The following ZFHX3 variants were observed in gnomAD, a reference collection of about 807,000 sequenced individuals.
The protein encoded by ZFHX3 is zinc finger homeobox protein 3.
Under a neutral mutation model 279.1 loss-of-function variants are expected in ZFHX3, and 42 were observed. The ratio of observed to expected loss-of-function variants is 0.15; its 90% CI spans 0.12 to 0.19. The LOEUF is 0.19. Among genes scored for constraint, ZFHX3 ranks in the 10% least tolerant of loss-of-function variants. The pLI is 1.00. For missense variants in ZFHX3, 4,981 were observed against 4,754.0 expected (o/e 1.05, Z -1.40); for synonymous variants, 2,293 against 1,957.8 (o/e 1.17, Z -4.52).
chr16:73,831,025 T>C (rs575408731), intron 1 of ZFHX3, among the ~76,000 whole-genome samples: 27 of 152,316 alleles, frequency 1.8e-4, no homozygotes, highest in African/African-American at 6.0e-4. Flanking sequence ...AGAATGCAGA[T>C]GTTACATATT....
In ZFHX3 at chr16:72,918,351, A is replaced by C. The variant is rs1408699240; in HGVS notation, c.3217-28389T>G. On this transcript the variant is annotated intron_variant, in intron 3 of 9. Transcript: ENST00000268489. Reference sequence around the variant, plus strand: ...ACAAGAGACAAGAAAAGGAGGGACAATTAGCTAAACTGCTTATGGCATCTT... The same window carrying C: ...ACAAGAGACAAGAAAAGGAGGGACACTTAGCTAAACTGCTTATGGCATCTT... Among the ~76,000 whole-genome samples, 3 of 152,368 alleles carry C rather than the reference A, an allele frequency of 2.0e-5. No homozygotes were observed. The East Asian group carries it at 5.8e-4, about 29-fold the overall frequency.
intron 2 of ZFHX3, among the ~76,000 whole-genome samples, chr16:73,534,010 T>G (rs2019851508): frequency 2.0e-5 from 3 of 152,300 alleles, no homozygotes; most frequent in Admixed American, 2.0e-4. Flanking sequence ...TCTGATCTCA[T>G]CTGAAACCCA....
At chr16:73,848,041 G>A (rs925610934) in intron 1 of ZFHX3, among the ~76,000 whole-genome samples, 5 of 151,160 alleles carry the variant, frequency 3.3e-5, no homozygotes, top group Admixed American at 6.6e-5. Flanking sequence ...TTACAGGCGT[G>A]AGCCACCGCG....
chr16:72,968,390 C>G (rs1397379940), intron 1 of ZFHX3, among the ~76,000 whole-genome samples: 1 of 151,820 alleles, frequency 6.6e-6, no homozygotes, highest in Non-Finnish European at 1.5e-5. Flanking sequence ...AAGGACATAA[C>G]TGGGACAACT....
intron 7 of ZFHX3, among the ~76,000 whole-genome samples, chr16:73,127,751 C>A (rs377264297): frequency 1.3e-5 from 2 of 152,194 alleles, no homozygotes; most frequent in Admixed American, 1.3e-4. Flanking sequence ...TTGGACAATG[C>A]CTGGTCCTAT....
intron 3 of ZFHX3, among the ~76,000 whole-genome samples, chr16:73,389,451 A>T (rs112868687): frequency 2.0e-5 from 3 of 152,360 alleles, no homozygotes; most frequent in African/African-American, 7.2e-5. Context: ...TCTTTCTCTT[A>T]TCTTAAAAGT....
chr16:73,850,593 C>T (rs550493356), intron 1 of ZFHX3, among the ~76,000 whole-genome samples: 1 of 152,182 alleles, frequency 6.6e-6, no homozygotes, highest in Non-Finnish European at 1.5e-5. Flanking sequence ...AGTCTCCTTT[C>T]ATTCCCATCC....
intron 2 of ZFHX3, among the ~76,000 whole-genome samples, chr16:73,657,282 C>A (rs1028366325): frequency 6.6e-6 from 1 of 151,152 alleles, no homozygotes; most frequent in Non-Finnish European, 1.5e-5. Context: ...CACGGCAAAA[C>A]CCTGTCTCTA....
chr16:73,647,905 T>C (rs986809517), intron 2 of ZFHX3, among the ~76,000 whole-genome samples: 1 of 152,042 alleles, frequency 6.6e-6, no homozygotes, highest in East Asian at 1.9e-4. Context: ...AGAAAATAAA[T>C]ACAAACAAAC....
chr16:72,860,830 G>A (rs140963620), intron 4 of ZFHX3, among the ~76,000 whole-genome samples: 2,786 of 152,254 alleles, frequency 0.018, 35 homozygotes, highest in Non-Finnish European at 0.03. Context: ...ATGCTCAGTC[G>A]TCTGTCCTTT....
intron 1 of ZFHX3, among the ~76,000 whole-genome samples, chr16:73,730,474 G>A (rs1237905857): frequency 6.6e-6 from 1 of 151,866 alleles, no homozygotes; most frequent in East Asian, 1.9e-4. Context: ...CAAATCCAGT[G>A]CATTGTACAT....
intron 5 of ZFHX3, among the ~76,000 whole-genome samples, chr16:73,242,667 A>C (rs894965615): frequency 5.9e-5 from 9 of 152,222 alleles, no homozygotes; most frequent in Non-Finnish European, 1.2e-4. Context: ...CCACAGGGAA[A>C]TGCTGCTGGA....
chr16:73,172,436 G>C (rs1317812921), intron 5 of ZFHX3, among the ~76,000 whole-genome samples: 1 of 152,174 alleles, frequency 6.6e-6, no homozygotes, highest in African/African-American at 2.4e-5. Context: ...CCCCAGCCGA[G>C]CTGTATTTAT....
At chr16:73,020,698 G>C (rs1964267713) in intron 1 of ZFHX3, among the ~76,000 whole-genome samples, 1 of 152,138 alleles carries the variant, frequency 6.6e-6, no homozygotes, top group Non-Finnish European at 1.5e-5. Context: ...CAATGCCCCT[G>C]GTCTTCCTGA....
chr16:73,387,628 G>A (rs1255912608), intron 3 of ZFHX3, among the ~76,000 whole-genome samples: 1 of 151,942 alleles, frequency 6.6e-6, no homozygotes, highest in Non-Finnish European at 1.5e-5. Context: ...TTTTCCCCAA[G>A]AGTCTTTAAA....
chr16:73,504,906 ATTTAT>A (rs2019299039), intron 2 of ZFHX3: 1 of 152,198 alleles, frequency 6.6e-6, no homozygotes, highest in Non-Finnish European at 1.5e-5. Flanking sequence ...TCACACAGGA[ATTTAT>A]TTTAAGTGCA....
chr16:73,336,089 T>C (rs1212459800), intron 3 of ZFHX3, among the ~76,000 whole-genome samples: 1 of 152,200 alleles, frequency 6.6e-6, no homozygotes, highest in Non-Finnish European at 1.5e-5. Flanking sequence ...CCATTCGTTC[T>C]GGGGTGTCCA....
At chr16:73,106,182 G>A (rs763394263) in intron 7 of ZFHX3, among the ~76,000 whole-genome samples, 15 of 152,166 alleles carry the variant, frequency 9.9e-5, no homozygotes, top group Admixed American at 8.5e-4. Context: ...CAATTAGAGC[G>A]CAAGATCTAG....
chr16:72,861,723 A>G (rs2037893283), intron 4 of ZFHX3, among the ~76,000 whole-genome samples: 1 of 152,202 alleles, frequency 6.6e-6, no homozygotes, highest in Admixed American at 6.5e-5. Context: ...GCACAAGAAT[A>G]GATAGAACCC....
Sources: gnomAD v4.1 joint callset for allele counts (sites outside exome capture counted in the v4.1 genomes callset) on GRCh38, gnomAD v4.1.1 for gene constraint, MANE v1.5 for transcripts, NCBI Gene and HGNC (gene_info 2026-07-23, HGNC 2026-07-21) for gene names.